NPM1: variants seen among roughly 807,000 people sequenced by gnomAD.
The protein encoded by NPM1 is nucleophosmin 1.
NPM1 carries 1 observed loss-of-function variant against 44.1 expected under a neutral mutation model. That is an observed-to-expected ratio of 0.02 (90% CI 0.01 to 0.11). The LOEUF (loss-of-function observed/expected upper bound fraction) is 0.11. Ranked by LOEUF, NPM1 falls within the 10% of genes least tolerant of loss-of-function variation. The pLI is 1.00. For synonymous variants in NPM1, 126 were observed against 111.8 expected, an observed-to-expected ratio of 1.13 and a Z score of -0.80; for missense variants, 197 against 347.8, an observed-to-expected ratio of 0.57 and a Z score of 3.45.
intron 6 of NPM1, among the ~76,000 whole-genome samples, chr5:171,399,350 A>G (rs1771073253): frequency 6.6e-6 from 1 of 151,958 alleles, no homozygotes; most frequent in Non-Finnish European, 1.5e-5. Context: ...TCTCAAGCAG[A>G]TCCTCCTGCC....
chr5:171,392,057 A>G (rs953984388), intron 4 of NPM1, among the ~76,000 whole-genome samples: 5 of 152,006 alleles, frequency 3.3e-5, no homozygotes, highest in Non-Finnish European at 5.9e-5. Context: ...CTCCTGTCTC[A>G]GCCTCCCCAG....
chr5:171,401,684 C>T (rs909198906), intron 8 of NPM1, among the ~76,000 whole-genome samples: 6 of 152,280 alleles, frequency 3.9e-5, no homozygotes, highest in South Asian at 2.1e-4. Flanking sequence ...GCAGGTGATC[C>T]GCCCTCCTGG....
intron 3 of NPM1, 25 bp from the exon 4 acceptor site, chr5:171,391,681 G>C: frequency 6.9e-7 from 1 of 1,454,794 alleles, no homozygotes; most frequent in Non-Finnish European, 9.6e-7. Context: ...CACATGTTTA[G>C]TGATGAAAAA....
chr5:171,400,460 CTTTT>C (rs199784076), intron 7 of NPM1, among the ~76,000 whole-genome samples: 4 of 138,698 alleles, frequency 2.9e-5, no homozygotes, highest in Admixed American at 7.2e-5. Context: ...TTTTTCCTTC[CTTTT>C]TTTTTTTTTT....
At chr5:171,403,196 TTGGTGATGACTCTTAACGAGCATGC>T (rs1771325489) in intron 8 of NPM1, among the ~76,000 whole-genome samples, 1 of 89,082 alleles carries the variant, frequency 1.1e-5, no homozygotes, top group Non-Finnish European at 2.3e-5. Flanking sequence ...AGATTAGGGA[TTGGTGATGACTCTTAACGAGCATGC>T]TGCCTTCAAG....
intron 10 of NPM1, among the ~76,000 whole-genome samples, chr5:171,409,407 C>T (rs1050493283): frequency 1.3e-5 from 2 of 152,072 alleles, no homozygotes; most frequent in Non-Finnish European, 2.9e-5. Context: ...CTAAATTTAG[C>T]TGGGCATGGT....
At chr5:171,410,505 A>ATTT in intron 10 of NPM1, 22 bp from the exon 11 acceptor site, 1 of 1,492,592 alleles carries the variant, frequency 6.7e-7, no homozygotes, top group Admixed American at 1.9e-5. Flanking sequence ...CCTTAACCAC[A>ATTT]TTTCTTTTTT....
At chr5:171,395,725 C>T (rs187562445) in intron 6 of NPM1, among the ~76,000 whole-genome samples, 1 of 152,166 alleles carries the variant, frequency 6.6e-6, no homozygotes, top group East Asian at 1.9e-4. Flanking sequence ...CATGAAGGTT[C>T]GTTATAGTTA....
intron 6 of NPM1, among the ~76,000 whole-genome samples, chr5:171,399,726 T>C (rs975419285): frequency 2.6e-5 from 4 of 152,094 alleles, no homozygotes; most frequent in Admixed American, 2.6e-4. Context: ...TACAGTTTAA[T>C]AGAACTATAC....
upstream of NPM1, among the ~76,000 whole-genome samples, chr5:171,387,460 G>T (rs1770272688): frequency 6.6e-6 from 1 of 152,186 alleles, no homozygotes; most frequent in Non-Finnish European, 1.5e-5. Flanking sequence ...CGGCTAACCC[G>T]CCATATCTTA....
At chr5:171,387,585 G>C (rs928003184), upstream of NPM1, 1 of 270,400 alleles carries the variant, frequency 3.7e-6, no homozygotes, top group Non-Finnish European at 7.1e-6. Context: ...GGGAGTGCGC[G>C]TTACGACTGG....
intron 9 of NPM1, chr5:171,405,754 C>T (rs1195554657): frequency 4.4e-6 from 1 of 225,062 alleles, no homozygotes; most frequent in Non-Finnish European, 8.5e-6. Flanking sequence ...TATGAGACTT[C>T]ATTAAAATTA....
intron 4 of NPM1, 116 bp downstream of exon 4, chr5:171,391,915 A>C: frequency 4.1e-6 from 2 of 484,986 alleles, no homozygotes; most frequent in Non-Finnish European, 7.3e-6. Context: ...ATAGGTTCCA[A>C]TGTGAGTCTA....
chr5:171,391,575 T>A (rs1304730238), intron 3 of NPM1, 131 bp from the exon 4 acceptor site: 2 of 1,153,322 alleles, frequency 1.7e-6, no homozygotes, highest in East Asian at 2.3e-5. Context: ...ACATGGGGGC[T>A]TCTGCTGCTA....
intron 1 of NPM1, among the ~76,000 whole-genome samples, chr5:171,389,272 C>T (rs1770445392): frequency 6.6e-6 from 1 of 152,212 alleles, no homozygotes; most frequent in Non-Finnish European, 1.5e-5. Context: ...AATTAAACGT[C>T]TGTTCACATT....
At chr5:171,409,188 G>GT (rs1487399830) in intron 10 of NPM1, among the ~76,000 whole-genome samples, 1 of 152,142 alleles carries the variant, frequency 6.6e-6, no homozygotes, top group Non-Finnish European at 1.5e-5. Flanking sequence ...AATAGTAAAT[G>GT]TTTAATAACT....
intron 1 of NPM1, 64 bp downstream of exon 1, chr5:171,388,070 A>AGGGGGGGGGGGG: frequency 1.9e-6 from 1 of 531,790 alleles, no homozygotes; most frequent in Non-Finnish European, 3.7e-6. Context: ...GGTGGGGGTG[A>AGGGGGGGGGGGG]GGGGCGGGAA....
intron 8 of NPM1, among the ~76,000 whole-genome samples, chr5:171,403,378 C>CA (rs1466875058): frequency 2.0e-5 from 2 of 101,070 alleles, no homozygotes; most frequent in African/African-American, 7.4e-5. Context: ...TAGTGCAGAA[C>CA]AAAATGAAAA....
At chr5:171,397,943 C>T (rs1352117469) in intron 6 of NPM1, among the ~76,000 whole-genome samples, 1 of 149,304 alleles carries the variant, frequency 6.7e-6, no homozygotes, top group South Asian at 2.1e-4. Flanking sequence ...GCACCCCCCC[C>T]ACCACGCCCG....
Sources: allele counts gnomAD v4.1 joint callset (sites outside exome capture counted in the v4.1 genomes callset), GRCh38; gene constraint gnomAD v4.1.1; transcripts MANE v1.5; gene names NCBI Gene and HGNC (gene_info 2026-07-23, HGNC 2026-07-21).